Variants in RAB11B observed in about 807,000 individuals in gnomAD.
RAB11B encodes the protein RAB11B, member RAS oncogene family.
RAB11B carries 7 observed loss-of-function variants against 23.7 expected under a neutral mutation model. The observed-to-expected ratio is 0.29, with a 90% CI of 0.17 to 0.55. The LOEUF is 0.55. Ranked by LOEUF, RAB11B falls within the 20% of genes least tolerant of loss-of-function variation. RAB11B has a pLI of 0.93. For missense variants in RAB11B, 189 were observed against 320.0 expected, an observed-to-expected ratio of 0.59 and a Z score of 3.12; for synonymous variants, 138 against 132.0, an observed-to-expected ratio of 1.05 and a Z score of -0.31.
intron 1 of RAB11B, among the ~76,000 whole-genome samples, chr19:8,394,425 G>C (rs1472949519): frequency 6.6e-6 from 1 of 152,234 alleles, no homozygotes; most frequent in Non-Finnish European, 1.5e-5. Context: ...AAAGTGCTGG[G>C]ATTACAGGCG....
chr19:8,402,071 C>T lies in RAB11B; in HGVS notation c.237-15C>T, dbSNP rs766158160. ...GTTGTCCTCCAGAGAGGCTCATGGGCCCCTGACCCTGCAGGTACTACCGTG... is the reference window on the plus strand; with the variant it reads ...GTTGTCCTCCAGAGAGGCTCATGGGTCCCTGACCCTGCAGGTACTACCGTG... On this transcript the variant is annotated splice_polypyrimidine_tract_variant and intron_variant, in intron 2 of 4. Coordinates refer to ENST00000328024, the MANE Select transcript of RAB11B (RefSeq NM_004218.4). The T allele has an allele frequency of 1.1e-5, 17 of 1,565,670 alleles. No homozygotes were observed. The South Asian group carries it at 1.2e-4, about 11-fold the overall frequency.
chr19:8,393,776 G>A (rs1971376327), intron 1 of RAB11B, among the ~76,000 whole-genome samples: 1 of 152,140 alleles, frequency 6.6e-6, no homozygotes, highest in South Asian at 2.1e-4. Flanking sequence ...CGGAATGGGG[G>A]CACCATTCCC....
chr19:8,395,727 G>T (rs1291975068), intron 1 of RAB11B, among the ~76,000 whole-genome samples: 1 of 152,216 alleles, frequency 6.6e-6, no homozygotes, highest in Admixed American at 6.5e-5. Context: ...GTAGGAGTTT[G>T]CTGGCCGCCC....
chr19:8,402,255 A>T lies in RAB11B; in HGVS notation c.406A>T (p.Thr136Ser), dbSNP rs1971444176. 1 of 1,562,078 alleles carries T rather than the reference A, an allele frequency of 6.4e-7. No individual in the cohort carries two copies. Among genetic ancestry groups the T allele is most frequent in the African/African-American group, 1.4e-5 (1 of 73,524 alleles). Residue 136 changes from threonine to serine, a missense_variant, in exon 3 of 5, where the codon ACT (threonine) becomes TCT (serine). This residue lies in a region of RAB11B where 122 missense variants were observed against 170.8 expected (regional missense o/e 0.71). Coordinates refer to ENST00000328024, the MANE Select transcript of RAB11B (RefSeq NM_004218.4). ...CCTGCGCCACCTGCGGGCTGTGCCC[A>T]CTGACGAGGCCCGCGCCTTCGCAGG... The part of the protein sequence containing the change: ...SDLRHLRAVP[T>S]DEARAFAEKN...
At chr19:8,401,283 C>T (rs1289472976) in intron 2 of RAB11B, among the ~76,000 whole-genome samples, 1 of 150,000 alleles carries the variant, frequency 6.7e-6, no homozygotes, top group Non-Finnish European at 1.5e-5. Context: ...GGTTTCACCG[C>T]ATTAGCCAGG....
At chr19:8,400,994 C>T (rs1473770197) in intron 2 of RAB11B, among the ~76,000 whole-genome samples, 1 of 152,192 alleles carries the variant, frequency 6.6e-6, no homozygotes, top group African/African-American at 2.4e-5. Context: ...CAGGCTCAAG[C>T]GATTCTCCTG....
intron 4 of RAB11B, 89 bp downstream of exon 4, chr19:8,402,654 C>CTTT: frequency 3.2e-6 from 3 of 929,930 alleles, no homozygotes; most frequent in South Asian, 1.5e-5. Context: ...TGTTCGTTTG[C>CTTT]TTGTTTTTTT....
At chr19:8,402,419 C>T (rs1971445682) in intron 3 of RAB11B, 66 bp from the exon 4 acceptor site, 1 of 1,573,524 alleles carries the variant, frequency 6.4e-7, no homozygotes, top group African/African-American at 1.3e-5. Context: ...GGGCGGGGTC[C>T]CTGAGAGCAT....
intron 1 of RAB11B, among the ~76,000 whole-genome samples, chr19:8,399,529 C>G (rs1233225767): frequency 1.3e-5 from 2 of 152,244 alleles, no homozygotes; most frequent in Non-Finnish European, 1.5e-5. Context: ...AGCCACCAGG[C>G]TGCAGGTGGA....
intron 1 of RAB11B, among the ~76,000 whole-genome samples, chr19:8,395,669 G>T (rs1244449842): frequency 1.3e-5 from 2 of 152,182 alleles, no homozygotes; most frequent in East Asian, 3.9e-4. Flanking sequence ...GCCAAGCAGT[G>T]GTCTTTGGGG....
intron 2 of RAB11B, among the ~76,000 whole-genome samples, chr19:8,401,061 T>A (rs763141056): frequency 4.6e-5 from 7 of 151,878 alleles, no homozygotes; most frequent in Non-Finnish European, 8.8e-5. Context: ...CTGGCTAATT[T>A]AATTAATTAA....
rs1026447022 is a variant in RAB11B at position 8,396,265 on chromosome 19, C to T, written c.41-3598C>T. Among the ~76,000 whole-genome samples the T allele has an allele frequency of 1.2e-4, 18 of 152,170 alleles. No homozygotes were observed. Among genetic ancestry groups the T allele is most frequent in the South Asian group, 8.3e-4 (4 of 4,832 alleles). ...TGGCCCAAGGGTGGTGACCTGGCAT[C>T]CTCTAGGTATGGGGCAGGCGGCATG... On this transcript the variant is annotated intron_variant, in intron 1 of 4. Coordinates refer to ENST00000328024, the MANE Select transcript of RAB11B (RefSeq NM_004218.4). This position sits in a 1 kb window ranked among gnomAD's most constrained non-coding sequence, Gnocchi z 5.0.
Position 8,402,047 on chromosome 19 carries a change from T to C in RAB11B, c.237-39T>C, listed in dbSNP as rs1482776144. 9 of 1,527,706 alleles carry C rather than the reference T, an allele frequency of 5.9e-6. No homozygotes were observed. In the African/African-American group the frequency reaches 1.1e-4, roughly 19 times the overall value. 94.6% of individuals were successfully genotyped at this position (1,527,706 alleles called of 1,614,324 possible). On this transcript the variant is annotated intron_variant, in intron 2 of 4. Coordinates refer to ENST00000328024, the MANE Select transcript of RAB11B (RefSeq NM_004218.4). ...CCCGTGAGGCTGCCGCTGCCCATGGTTGTCCTCCAGAGAGGCTCATGGGCC... is the reference window on the plus strand; with the variant it reads ...CCCGTGAGGCTGCCGCTGCCCATGGCTGTCCTCCAGAGAGGCTCATGGGCC...
At chr19:8,393,216 G>A (rs1207253748) in intron 1 of RAB11B, among the ~76,000 whole-genome samples, 1 of 152,146 alleles carries the variant, frequency 6.6e-6, no homozygotes, top group Non-Finnish European at 1.5e-5. Flanking sequence ...TTCATAGCCT[G>A]CCACTAATTG....
intron 4 of RAB11B, chr19:8,402,979 A>C (rs1419613016): frequency 2.8e-6 from 1 of 353,148 alleles, no homozygotes; most frequent in African/African-American, 2.1e-5. Flanking sequence ...ATTTTTTTCC[A>C]CCACCACCCC....
intron 4 of RAB11B, 24 bp from the exon 5 acceptor site, chr19:8,403,389 C>T (rs565825119): frequency 2.1e-5 from 33 of 1,592,702 alleles, no homozygotes; most frequent in African/African-American, 5.4e-5. Context: ...GCTCACCCCA[C>T]GTCCCCCTGT....
Position 8,396,602 on chromosome 19 carries a change from A to G in RAB11B, c.41-3261A>G, listed in dbSNP as rs1239011483. Among the ~76,000 whole-genome samples, 2 of 151,544 alleles carry G rather than the reference A, an allele frequency of 1.3e-5. No homozygotes were observed. The highest frequency in any genetic ancestry group is 6.6e-5 in the Admixed American group (1 of 15,210). On this transcript the variant is annotated intron_variant, in intron 1 of 4. Transcript: ENST00000328024. This position sits in a 1 kb window ranked among gnomAD's most constrained non-coding sequence, Gnocchi z 5.0. ...GGAGCCAGGTGTGTGCCTGGAGAAG[A>G]GCGTTTCTGGCAGCAGGAGCAACCC...
chr19:8,390,519 A>G, intron 1 of RAB11B, 63 bp downstream of exon 1: 1 of 1,429,390 alleles, frequency 7.0e-7, no homozygotes, highest in Non-Finnish European at 9.2e-7. Context: ...AGACGGGCCA[A>G]GGCCGCGCTC....
chr19:8,394,251 G>T (rs894495446), intron 1 of RAB11B, among the ~76,000 whole-genome samples: 1 of 152,198 alleles, frequency 6.6e-6, no homozygotes, highest in Non-Finnish European at 1.5e-5. Flanking sequence ...CGCCTCCTGG[G>T]TTCAAATGAT....
Sources: gnomAD v4.1 joint callset for allele counts (sites outside exome capture counted in the v4.1 genomes callset) on GRCh38, gnomAD v4.1.1 for gene constraint, gnomAD v4.1.1 regional missense constraint, Gnocchi (gnomAD v3.1) non-coding constraint, MANE v1.5 for transcripts, NCBI Gene and HGNC (gene_info 2026-07-23, HGNC 2026-07-21) for gene names.